The following TENM2 variants were observed in gnomAD, a reference collection of about 807,000 sequenced individuals.
TENM2 encodes the protein teneurin transmembrane protein 2, also known as teneurin-2.
TENM2 carries 52 observed loss-of-function variants against 245.2 expected under a neutral mutation model. That is an observed-to-expected ratio of 0.21 (90% CI 0.17 to 0.27). The LOEUF is 0.27. TENM2 is among the 10% of genes least tolerant of loss of function. TENM2 has a pLI of 1.00. For synonymous variants in TENM2, 1,363 were observed against 1,438.9 expected (o/e 0.95, Z 1.19); for missense variants, 3,046 against 3,666.8 (o/e 0.83, Z 4.37).
At chr5:168,041,824 C>T (rs1049185528) in intron 5 of TENM2, among the ~76,000 whole-genome samples, 14 of 152,206 alleles carry the variant, frequency 9.2e-5, no homozygotes, top group African/African-American at 3.4e-4. Flanking sequence ...ATAATGAGCC[C>T]AATACCTGGC....
At chr5:167,752,268 T>TC (rs1301509245) in intron 2 of TENM2, among the ~76,000 whole-genome samples, 3 of 109,978 alleles carry the variant, frequency 2.7e-5, no homozygotes, top group African/African-American at 9.1e-5. Context: ...CTAATTTTTT[T>TC]TTTTTTTTTT....
chr5:167,837,563 A>G (rs2909802), intron 2 of TENM2, among the ~76,000 whole-genome samples: 149,902 of 152,340 alleles, frequency 0.98, 73,788 homozygotes, highest in Middle Eastern at 1. Context: ...GCTGACAAAC[A>G]TTTTTATGTA....
the TENM2 span, among the ~76,000 whole-genome samples, chr5:167,109,546 G>A: frequency 5.9e-5 from 9 of 152,006 alleles, no homozygotes; most frequent in Non-Finnish European, 8.8e-5. Context: ...CACTTCCCAC[G>A]TTCATCCTAA....
intron 1 of TENM2, among the ~76,000 whole-genome samples, chr5:167,321,617 C>T (rs1756727460): frequency 6.6e-6 from 1 of 152,030 alleles, no homozygotes; most frequent in African/African-American, 2.4e-5. Flanking sequence ...AGAAGGGGAG[C>T]AAAGCAGCTT....
At chr5:167,001,250 C>T in the TENM2 span, among the ~76,000 whole-genome samples, 1 of 152,084 alleles carries the variant, frequency 6.6e-6, no homozygotes, top group Non-Finnish European at 1.5e-5. Flanking sequence ...GTTAAAACTA[C>T]TGAGGTTTGC....
chr5:168,064,213 C>G (rs1223543335), intron 7 of TENM2, among the ~76,000 whole-genome samples: 1 of 152,086 alleles, frequency 6.6e-6, no homozygotes. Flanking sequence ...TAAGTGGTGT[C>G]CTTGACCTTC....
chr5:167,314,207 T>C (rs1756215122), intron 1 of TENM2, among the ~76,000 whole-genome samples: 1 of 152,206 alleles, frequency 6.6e-6, no homozygotes, highest in South Asian at 2.1e-4. Flanking sequence ...TCCTACAGAA[T>C]TGAATGTTTG....
At chr5:167,801,209 G>A (rs1237369516) in intron 2 of TENM2, among the ~76,000 whole-genome samples, 3 of 139,936 alleles carry the variant, frequency 2.1e-5, no homozygotes, top group African/African-American at 8.0e-5. Context: ...AGAATATTTT[G>A]GCAATTTCAT....
chr5:168,194,276 G>A (rs1761196412), intron 14 of TENM2, among the ~76,000 whole-genome samples: 2 of 152,186 alleles, frequency 1.3e-5, no homozygotes, highest in Non-Finnish European at 2.9e-5. Flanking sequence ...GAAGTCAAGA[G>A]AATTCAGATG....
At chr5:167,206,679 T>C in the TENM2 span, among the ~76,000 whole-genome samples, 68 of 152,192 alleles carry the variant, frequency 4.5e-4, 1 homozygote, top group Admixed American at 2.6e-4. Flanking sequence ...ATTTTATTTT[T>C]AACTCCTACT....
intron 1 of TENM2, among the ~76,000 whole-genome samples, chr5:167,345,822 CT>C (rs996826939): frequency 2.1e-5 from 3 of 146,122 alleles, no homozygotes; most frequent in Admixed American, 7.3e-5. Context: ...TGAGAGGACA[CT>C]TTTTTTTCTT....
At chr5:167,967,644 C>T (rs1024613819) in intron 4 of TENM2, among the ~76,000 whole-genome samples, 9 of 152,184 alleles carry the variant, frequency 5.9e-5, no homozygotes, top group Non-Finnish European at 1.3e-4. Context: ...AAATAAAAAT[C>T]CATCCCTCAG....
At chr5:167,743,039 G>T (rs548434985) in intron 2 of TENM2, among the ~76,000 whole-genome samples, 1 of 151,776 alleles carries the variant, frequency 6.6e-6, no homozygotes, top group Non-Finnish European at 1.5e-5. Flanking sequence ...ATTCTGAGCC[G>T]CCATATCGAT....
intron 5 of TENM2, among the ~76,000 whole-genome samples, chr5:168,038,062 G>A (rs1787865747): frequency 6.6e-6 from 1 of 152,118 alleles, no homozygotes; most frequent in African/African-American, 2.4e-5. Flanking sequence ...TGGATGGAGT[G>A]ATACTCAAGA....
chr5:168,003,660 A>G (rs761790604), intron 5 of TENM2, among the ~76,000 whole-genome samples: 1 of 152,158 alleles, frequency 6.6e-6, no homozygotes, highest in Non-Finnish European at 1.5e-5. Context: ...ATCGTTGTGA[A>G]TTGCTTGGAG....
intron 2 of TENM2, among the ~76,000 whole-genome samples, chr5:167,686,054 T>C (rs1757055117): frequency 6.6e-6 from 1 of 152,312 alleles, no homozygotes; most frequent in South Asian, 2.1e-4. Context: ...GACATAAAGA[T>C]GAAATAAAAT....
At chr5:167,608,993 T>TA (rs11378498) in intron 2 of TENM2, among the ~76,000 whole-genome samples, 81,439 of 151,908 alleles carry the variant, frequency 0.54, 24,530 homozygotes, top group Middle Eastern at 0.69. Context: ...TTAAATAATG[T>TA]AAAAAAATGA....
chr5:168,046,647 A>T (rs1788631930), intron 5 of TENM2, among the ~76,000 whole-genome samples: 1 of 152,182 alleles, frequency 6.6e-6, no homozygotes, highest in Non-Finnish European at 1.5e-5. Flanking sequence ...ACTTCTTCAG[A>T]CGTGCTCAGT....
chr5:167,347,436 G>A (rs1023617313), intron 1 of TENM2, among the ~76,000 whole-genome samples: 2 of 152,178 alleles, frequency 1.3e-5, no homozygotes, highest in African/African-American at 2.4e-5. Flanking sequence ...GATAAGTGTA[G>A]TCTACATTGG....
Sources: gnomAD v4.1 joint callset for allele counts (sites outside exome capture counted in the v4.1 genomes callset) on GRCh38, gnomAD v4.1.1 for gene constraint, MANE v1.5 for transcripts, NCBI Gene and HGNC (gene_info 2026-07-23, HGNC 2026-07-21) for gene names.